Variants in CADPS2 observed in about 807,000 individuals in gnomAD.
The protein encoded by CADPS2 is calcium dependent secretion activator 2.
Under a neutral mutation model 172.5 loss-of-function variants are expected in CADPS2, and 93 were observed. The ratio of observed to expected loss-of-function variants is 0.54; its 90% CI spans 0.46 to 0.64. The LOEUF (loss-of-function observed/expected upper bound fraction) is 0.64, where lower values mean the gene tolerates loss of function less well. Among genes scored for constraint, CADPS2 ranks in the 30% least tolerant of loss-of-function variants. The pLI is 0.00. For synonymous variants in CADPS2, 546 were observed against 555.2 expected, an observed-to-expected ratio of 0.98 and a Z score of 0.23; for missense variants, 1,420 against 1,565.9, an observed-to-expected ratio of 0.91 and a Z score of 1.57.
intron 8 of CADPS2, among the ~76,000 whole-genome samples, chr7:122,515,758 G>T (rs965564443): frequency 1.3e-5 from 2 of 151,936 alleles, no homozygotes; most frequent in Admixed American, 6.6e-5. Flanking sequence ...CATTGCACAT[G>T]TATATATATG....
intron 4 of CADPS2, among the ~76,000 whole-genome samples, chr7:122,621,922 T>A (rs2075646546): frequency 6.6e-6 from 1 of 152,158 alleles, no homozygotes; most frequent in Non-Finnish European, 1.5e-5. Flanking sequence ...TTATTGAGGA[T>A]CACTGCAGTA....
intron 3 of CADPS2, among the ~76,000 whole-genome samples, chr7:122,638,914 T>A (rs1172743290): frequency 3.3e-5 from 5 of 152,228 alleles, no homozygotes; most frequent in Non-Finnish European, 7.3e-5. Context: ...TACTCGTCAC[T>A]ATTTCCTCTC....
At chr7:122,857,266 ATTTC>A (rs1433052231) in intron 1 of CADPS2, among the ~76,000 whole-genome samples, 4 of 152,018 alleles carry the variant, frequency 2.6e-5, no homozygotes, top group African/African-American at 9.7e-5. Flanking sequence ...CTCCCCCTCT[ATTTC>A]TTTTTTATGT....
chr7:122,542,717 A>T (rs993478694), intron 8 of CADPS2, among the ~76,000 whole-genome samples: 20 of 150,734 alleles, frequency 1.3e-4, no homozygotes, highest in Admixed American at 9.3e-4. Context: ...TTTATTCATT[A>T]TTTTTTTTTC....
intron 2 of CADPS2, among the ~76,000 whole-genome samples, chr7:122,692,263 C>A (rs2084472296): frequency 6.6e-6 from 1 of 152,148 alleles, no homozygotes; most frequent in Admixed American, 6.5e-5. Flanking sequence ...ATGTGTTCCA[C>A]CACGGTGGTG....
chr7:122,525,092 A>G (rs964205496), intron 8 of CADPS2, among the ~76,000 whole-genome samples: 2 of 152,020 alleles, frequency 1.3e-5, no homozygotes, highest in Non-Finnish European at 2.9e-5. Flanking sequence ...GTGAGCCATG[A>G]TAGTGCCACT....
At chr7:122,389,137 C>T (rs965474123) in intron 22 of CADPS2, among the ~76,000 whole-genome samples, 6 of 151,960 alleles carry the variant, frequency 3.9e-5, no homozygotes, top group African/African-American at 9.7e-5. Context: ...GTACCTTTGC[C>T]GTTATTCATG....
chr7:122,410,434 T>A (rs542816245), intron 19 of CADPS2, among the ~76,000 whole-genome samples: 1 of 144,612 alleles, frequency 6.9e-6, no homozygotes, highest in Non-Finnish European at 1.5e-5. Flanking sequence ...CTGACAATAC[T>A]TGGAAAGCCT....
At chr7:122,697,801 T>A in intron 2 of CADPS2, 1 of 1,581,374 alleles carries the variant, frequency 6.3e-7, no homozygotes, top group South Asian at 1.2e-5. Flanking sequence ...AGGTGAAGGA[T>A]GAACATCTTC....
chr7:122,477,565 A>C (rs571513305), intron 12 of CADPS2, among the ~76,000 whole-genome samples: 12 of 151,902 alleles, frequency 7.9e-5, no homozygotes, highest in African/African-American at 2.7e-4. Context: ...AACAAAAAAC[A>C]AAAAACCAAA....
At chr7:122,864,511 T>C (rs1005901928) in intron 1 of CADPS2, among the ~76,000 whole-genome samples, 2 of 151,934 alleles carry the variant, frequency 1.3e-5, no homozygotes, top group South Asian at 4.1e-4. Flanking sequence ...AAAAAACTTA[T>C]GTCACATGGC....
At chr7:122,607,160 A>C (rs566799471) in intron 6 of CADPS2, among the ~76,000 whole-genome samples, 4 of 152,292 alleles carry the variant, frequency 2.6e-5, no homozygotes, top group African/African-American at 9.6e-5. Context: ...AAGGGACTAA[A>C]GTCCCTTTTT....
intron 1 of CADPS2, among the ~76,000 whole-genome samples, chr7:122,780,547 G>GGTTT (rs985558862): frequency 6.8e-4 from 104 of 151,926 alleles, no homozygotes; most frequent in African/African-American, 2.2e-3. Context: ...GCCCATTCTG[G>GGTTT]GTTTGTTTGT....
intron 17 of CADPS2, chr7:122,426,092 T>C (rs964395423): frequency 6.6e-6 from 1 of 152,160 alleles, no homozygotes; most frequent in East Asian, 1.9e-4. Context: ...TGCAAGGCAA[T>C]TGAAGGAGAA....
intron 1 of CADPS2, among the ~76,000 whole-genome samples, chr7:122,884,317 C>T (rs1823716953): frequency 6.6e-6 from 1 of 152,106 alleles, no homozygotes. Flanking sequence ...GAAGAGGCCA[C>T]GGGTGACTGC....
At chr7:122,537,172 GA>G (rs1299755578) in intron 8 of CADPS2, among the ~76,000 whole-genome samples, 50 of 135,106 alleles carry the variant, frequency 3.7e-4, no homozygotes, top group East Asian at 1.3e-3. Flanking sequence ...TCTTAAAAGT[GA>G]AAAAAAAAAG....
At chr7:122,821,338 A>G (rs1337561992) in intron 1 of CADPS2, among the ~76,000 whole-genome samples, 3 of 152,072 alleles carry the variant, frequency 2.0e-5, no homozygotes, top group East Asian at 1.9e-4. Flanking sequence ...TTTCCTTTCC[A>G]TCGTGGAAAT....
chr7:122,827,672 C>T (rs948022126), intron 1 of CADPS2, among the ~76,000 whole-genome samples: 1 of 150,738 alleles, frequency 6.6e-6, no homozygotes, highest in East Asian at 1.9e-4. Flanking sequence ...GAATTAGCTA[C>T]AATTCTAAAC....
intron 1 of CADPS2, among the ~76,000 whole-genome samples, chr7:122,739,705 T>C (rs566737718): frequency 5.3e-5 from 8 of 152,308 alleles, no homozygotes; most frequent in African/African-American, 1.9e-4. Flanking sequence ...TTTATTAGCA[T>C]AAAGAAGAAG....
Sources: allele counts gnomAD v4.1 joint callset (sites outside exome capture counted in the v4.1 genomes callset), GRCh38; gene constraint gnomAD v4.1.1; transcripts MANE v1.5; gene names NCBI Gene and HGNC (gene_info 2026-07-23, HGNC 2026-07-21).